PCDH7: variants seen among roughly 807,000 people sequenced by gnomAD.
PCDH7 encodes protocadherin 7.
PCDH7 carries 17 observed loss-of-function variants against 58.9 expected under a neutral mutation model. The ratio of observed to expected loss-of-function variants is 0.29; its 90% CI spans 0.20 to 0.43. The LOEUF (loss-of-function observed/expected upper bound fraction) is 0.43, where lower values mean the gene tolerates loss of function less well. Among genes scored for constraint, PCDH7 ranks in the 20% least tolerant of loss-of-function variants. The probability of loss-of-function intolerance (pLI) is 1.00; values close to 1 mark genes in which losing one functional copy is unlikely to be tolerated. For missense variants in PCDH7, 1,274 were observed against 1,441.0 expected, an observed-to-expected ratio of 0.88 and a Z score of 1.88; for synonymous variants, 664 against 616.4, an observed-to-expected ratio of 1.08 and a Z score of -1.14.
At chr4:31,024,088 G>A (rs544179658) in intron 3 of PCDH7, among the ~76,000 whole-genome samples, 2 of 152,264 alleles carry the variant, frequency 1.3e-5, no homozygotes, top group Non-Finnish European at 2.9e-5. Flanking sequence ...GATGTGGAAG[G>A]GTAGTGATTT....
At chr4:31,123,899 A>G (rs912648355) in intron 3 of PCDH7, among the ~76,000 whole-genome samples, 5 of 152,078 alleles carry the variant, frequency 3.3e-5, no homozygotes, top group African/African-American at 9.7e-5. Context: ...ACTCCTCTTC[A>G]TCCATCCCCA....
At chr4:30,874,735 G>A (rs978595935) in intron 1 of PCDH7, among the ~76,000 whole-genome samples, 2 of 150,274 alleles carry the variant, frequency 1.3e-5, no homozygotes, top group African/African-American at 2.4e-5. Flanking sequence ...AAAAAAGATA[G>A]CATTATTATT....
chr4:30,807,549 G>T (rs1403204155), intron 1 of PCDH7, among the ~76,000 whole-genome samples: 1 of 152,090 alleles, frequency 6.6e-6, no homozygotes, highest in African/African-American at 2.4e-5. Flanking sequence ...AAAATAGAAA[G>T]ACTCTTACTC....
chr4:31,137,582 C>T (rs1469211205), intron 3 of PCDH7, among the ~76,000 whole-genome samples: 2 of 151,780 alleles, frequency 1.3e-5, no homozygotes, highest in East Asian at 1.9e-4. Context: ...AGACCCTTCT[C>T]GAAAAATAAA....
chr4:30,744,549 T>C lies in PCDH7; in HGVS notation c.70+19953T>C, dbSNP rs576978554. ...AGTCTTGTAGGGGAGACAGACTTGT[T>C]CAGGAATAATTATAATGTAGTATGA... On this transcript the variant is annotated intron_variant, in intron 1 of 3. Coordinates refer to the PCDH7 transcript ENST00000509759. Among the ~76,000 whole-genome samples, 22 of 152,316 alleles carry C rather than the reference T, an allele frequency of 1.4e-4. 1 individual carries two copies. Among genetic ancestry groups the C allele is most frequent in the African/African-American group, 5.3e-4 (22 of 41,574 alleles).
chr4:30,906,465 T>C (rs1740941061), intron 1 of PCDH7, among the ~76,000 whole-genome samples: 2 of 152,146 alleles, frequency 1.3e-5, no homozygotes, highest in Non-Finnish European at 2.9e-5. Context: ...AACATGTTAA[T>C]ATGTAGCAAT....
intron 1 of PCDH7, among the ~76,000 whole-genome samples, chr4:30,758,577 A>G (rs1252984446): frequency 6.6e-6 from 1 of 152,208 alleles, no homozygotes; most frequent in African/African-American, 2.4e-5. Flanking sequence ...GACAGCCAAC[A>G]TTCACAAAGA....
intron 1 of PCDH7, among the ~76,000 whole-genome samples, chr4:30,759,154 C>T (rs574894163): frequency 2.6e-5 from 4 of 152,102 alleles, no homozygotes; most frequent in African/African-American, 9.6e-5. Flanking sequence ...GTTGGCCAGG[C>T]TGGTCTTGAA....
intron 2 of PCDH7, among the ~76,000 whole-genome samples, chr4:30,946,195 T>C (rs1746654337): frequency 6.6e-6 from 1 of 152,164 alleles, no homozygotes; most frequent in African/African-American, 2.4e-5. Context: ...AATACTGTCA[T>C]CAGGAATATT....
chr4:31,010,874 A>G (rs1001531571), intron 3 of PCDH7, among the ~76,000 whole-genome samples: 1 of 152,038 alleles, frequency 6.6e-6, no homozygotes, highest in Non-Finnish European at 1.5e-5. Context: ...AAAAATAAAA[A>G]GATGAGCATG....
At chr4:30,733,218 T>A (rs2109240058), downstream of PCDH7, among the ~76,000 whole-genome samples, 1 of 152,356 alleles carries the variant, frequency 6.6e-6, no homozygotes, top group South Asian at 2.1e-4. Flanking sequence ...GTGGATATTT[T>A]ATTTTAAACT....
intron 3 of PCDH7, among the ~76,000 whole-genome samples, chr4:30,992,131 G>A (rs1751512122): frequency 6.6e-6 from 1 of 152,180 alleles, no homozygotes; most frequent in African/African-American, 2.4e-5. Context: ...GAATTGTGTT[G>A]AAGATAAATG....
chr4:30,958,493 T>G (rs1430116067), intron 3 of PCDH7, among the ~76,000 whole-genome samples: 3 of 151,924 alleles, frequency 2.0e-5, no homozygotes, highest in African/African-American at 7.2e-5. Flanking sequence ...ATTCAAATAA[T>G]AACATTAGAA....
At chr4:30,992,525 T>G (rs528010016) in intron 3 of PCDH7, among the ~76,000 whole-genome samples, 1 of 152,294 alleles carries the variant, frequency 6.6e-6, no homozygotes, top group Non-Finnish European at 1.5e-5. Context: ...TTCCAGTTTT[T>G]ACTTTTGCTA....
chr4:30,998,706 C>T (rs976473763), intron 3 of PCDH7, among the ~76,000 whole-genome samples: 2 of 152,054 alleles, frequency 1.3e-5, no homozygotes, highest in East Asian at 1.9e-4. Context: ...ATTTTCAGAG[C>T]AGAACCCTCA....
intron 3 of PCDH7, among the ~76,000 whole-genome samples, chr4:30,987,158 T>C (rs913985515): frequency 6.6e-6 from 1 of 152,078 alleles, no homozygotes; most frequent in Non-Finnish European, 1.5e-5. Context: ...CATATTATTC[T>C]TCTACACTAC....
intron 3 of PCDH7, among the ~76,000 whole-genome samples, chr4:31,028,778 A>G (rs1300119162): frequency 6.6e-6 from 1 of 152,224 alleles, no homozygotes; most frequent in Non-Finnish European, 1.5e-5. Context: ...GATGAAAAAC[A>G]TCGAAAAACA....
rs769559553 is a variant in PCDH7 at position 30,724,593 on chromosome 4, A to G, written c.3171A>G (p.Lys1057=). The change falls in exon 1 of 2, where the codon AAA becomes AAG. Residue 1057 remains lysine (K), a synonymous_variant. Coordinates refer to ENST00000361762, the Ensembl canonical transcript of PCDH7. Reference sequence around the variant, plus strand: ...GTCAAACCAATAACAAGTACAGCAAACAGGTAAGATGTATCCCAAATATAT... The same window carrying G: ...GTCAAACCAATAACAAGTACAGCAAGCAGGTAAGATGTATCCCAAATATAT... 1.8e-5 allele frequency: 29 copies of G among 1,613,944 alleles called. No individual in the cohort carries two copies. In the South Asian group the frequency reaches 3.0e-4, roughly 16 times the overall value.
intron 3 of PCDH7, among the ~76,000 whole-genome samples, chr4:30,953,628 G>A (rs1294422734): frequency 6.6e-6 from 1 of 151,792 alleles, no homozygotes; most frequent in South Asian, 2.1e-4. Context: ...TTTGTTAAAG[G>A]TGTGGTTTGT....
Sources: allele counts gnomAD v4.1 joint callset (sites outside exome capture counted in the v4.1 genomes callset), GRCh38; gene constraint gnomAD v4.1.1; transcripts MANE v1.5; gene names NCBI Gene and HGNC (gene_info 2026-07-23, HGNC 2026-07-21).